The following KCTD8 variants were observed in gnomAD, a reference collection of about 807,000 sequenced individuals.
KCTD8 encodes the protein potassium channel tetramerization domain containing 8.
A neutral mutation model predicts 31.5 loss-of-function variants in KCTD8; 27 were observed. The observed-to-expected ratio is 0.86, with a 90% CI of 0.63 to 1.18. The LOEUF (loss-of-function observed/expected upper bound fraction) is 1.18, where lower values mean the gene tolerates loss of function less well. Among genes scored for constraint, KCTD8 ranks in the 50% most tolerant of loss-of-function variants. The pLI is 0.00. For synonymous variants in KCTD8, 290 were observed against 280.0 expected (o/e 1.04, Z -0.36); for missense variants, 658 against 647.7 (o/e 1.02, Z -0.17).
At chr4:44,386,906 G>T (rs572661578) in intron 1 of KCTD8, among the ~76,000 whole-genome samples, 18 of 151,554 alleles carry the variant, frequency 1.2e-4, no homozygotes, top group Non-Finnish European at 2.4e-4. Context: ...AGAAATAAAG[G>T]GCATTCAAAC....
intron 1 of KCTD8, among the ~76,000 whole-genome samples, chr4:44,207,374 G>T (rs959925754): frequency 2.6e-5 from 4 of 152,022 alleles, no homozygotes; most frequent in African/African-American, 9.7e-5. Context: ...ACTTCTTCCT[G>T]ATTTCCCTCC....
intron 1 of KCTD8, among the ~76,000 whole-genome samples, chr4:44,189,744 T>C (rs936498346): frequency 2.6e-5 from 4 of 152,156 alleles, no homozygotes; most frequent in Admixed American, 2.6e-4. Flanking sequence ...TAGTCTCATG[T>C]TTTTACTGCC....
rs564549608 is a variant in KCTD8 at position 44,217,117 on chromosome 4, A to C, written c.962-41867T>G. ...AATCAAGGGTCATCCTACTATGCAGAGTAAAGTGAGTAGTTCTCACCAGGG... is the reference window on the plus strand; with the variant it reads ...AATCAAGGGTCATCCTACTATGCAGCGTAAAGTGAGTAGTTCTCACCAGGG... On this transcript the variant is annotated intron_variant, in intron 1 of 1. Coordinates refer to ENST00000360029, the MANE Select transcript of KCTD8 (RefSeq NM_198353.3). 1.1e-4 allele frequency among the ~76,000 whole-genome samples: 16 copies of C among 152,336 alleles called. No homozygotes were observed. The South Asian group carries it at 3.3e-3, about 32-fold the overall frequency.
intron 1 of KCTD8, among the ~76,000 whole-genome samples, chr4:44,310,590 G>A (rs1292809482): frequency 6.6e-6 from 1 of 151,998 alleles, no homozygotes; most frequent in Non-Finnish European, 1.5e-5. Flanking sequence ...AAAAGTTTAT[G>A]CTCTGAAATG....
chr4:44,269,559 G>C (rs1353611360), intron 1 of KCTD8, among the ~76,000 whole-genome samples: 2 of 144,152 alleles, frequency 1.4e-5, no homozygotes, highest in South Asian at 2.2e-4. Context: ...TTAAACTAAA[G>C]AGCTTCTGCA....
intron 1 of KCTD8, among the ~76,000 whole-genome samples, chr4:44,234,614 T>C (rs1715221907): frequency 6.6e-6 from 1 of 152,098 alleles, no homozygotes; most frequent in African/African-American, 2.4e-5. Context: ...TCCATTGCAT[T>C]GTACCTCTTT....
At chr4:44,265,862 G>A (rs1283815690) in intron 1 of KCTD8, among the ~76,000 whole-genome samples, 8 of 152,118 alleles carry the variant, frequency 5.3e-5, no homozygotes, top group Non-Finnish European at 1.2e-4. Flanking sequence ...AAAAAGAAAT[G>A]AACAAAGCCT....
At chr4:44,349,131 C>G (rs1242285792) in intron 1 of KCTD8, among the ~76,000 whole-genome samples, 1 of 150,444 alleles carries the variant, frequency 6.6e-6, no homozygotes, top group Non-Finnish European at 1.5e-5. Context: ...TTACCAACAG[C>G]TCTAGCAACC....
intron 1 of KCTD8, among the ~76,000 whole-genome samples, chr4:44,329,278 T>G (rs1718532856): frequency 6.6e-6 from 1 of 151,750 alleles, no homozygotes; most frequent in African/African-American, 2.4e-5. Flanking sequence ...CTTGCATTTT[T>G]GGCAAAGATT....
chr4:44,400,683 C>A (rs1474780695), intron 1 of KCTD8, among the ~76,000 whole-genome samples: 2 of 141,878 alleles, frequency 1.4e-5, no homozygotes, highest in Non-Finnish European at 3.0e-5. Flanking sequence ...GAGCTGAAAT[C>A]GTGCCACTGG....
chr4:44,276,101 C>T (rs760461049), intron 1 of KCTD8, among the ~76,000 whole-genome samples: 1 of 151,796 alleles, frequency 6.6e-6, no homozygotes, highest in Non-Finnish European at 1.5e-5. Flanking sequence ...TGACCTGGTG[C>T]AGGCAAAAAG....
chr4:44,300,784 T>C (rs1717589531), intron 1 of KCTD8, among the ~76,000 whole-genome samples: 1 of 152,026 alleles, frequency 6.6e-6, no homozygotes, highest in South Asian at 2.1e-4. Flanking sequence ...GTTACATATG[T>C]ATATATGTGC....
At chr4:44,283,827 T>A (rs971280467) in intron 1 of KCTD8, among the ~76,000 whole-genome samples, 1 of 151,990 alleles carries the variant, frequency 6.6e-6, no homozygotes, top group Non-Finnish European at 1.5e-5. Context: ...TTCCTGTACA[T>A]CAATAACAGA....
chr4:44,326,749 C>T (rs1718451270), intron 1 of KCTD8, among the ~76,000 whole-genome samples: 1 of 151,672 alleles, frequency 6.6e-6, no homozygotes, highest in East Asian at 1.9e-4. Flanking sequence ...TGGTTATTTA[C>T]TATGTATATC....
At chr4:44,310,009 A>C (rs1288294395) in intron 1 of KCTD8, among the ~76,000 whole-genome samples, 1 of 152,122 alleles carries the variant, frequency 6.6e-6, no homozygotes, top group Non-Finnish European at 1.5e-5. Flanking sequence ...GAGATCCTTA[A>C]AAGAGAAAAA....
At chr4:44,318,271 A>G (rs1718197775) in intron 1 of KCTD8, among the ~76,000 whole-genome samples, 1 of 152,166 alleles carries the variant, frequency 6.6e-6, no homozygotes, top group Admixed American at 6.5e-5. Flanking sequence ...GTATCACTAC[A>G]TAACCCAGGC....
intron 1 of KCTD8, among the ~76,000 whole-genome samples, chr4:44,181,876 G>A (rs927984658): frequency 1.3e-5 from 2 of 151,628 alleles, no homozygotes; most frequent in East Asian, 3.9e-4. Context: ...CGTCTGGGAT[G>A]TGAGGAGCCC....
chr4:44,230,841 G>A (rs188094218), intron 1 of KCTD8, among the ~76,000 whole-genome samples: 211 of 152,050 alleles, frequency 1.4e-3, no homozygotes, highest in African/African-American at 4.9e-3. Context: ...AGGATTTAGC[G>A]ATCTTATGAG....
intron 1 of KCTD8, among the ~76,000 whole-genome samples, chr4:44,281,048 T>C (rs1309466012): frequency 6.6e-6 from 1 of 151,984 alleles, no homozygotes; most frequent in African/African-American, 2.4e-5. Context: ...TATCTGACTT[T>C]AAAAATGAGT....
Sources: allele counts gnomAD v4.1 joint callset (sites outside exome capture counted in the v4.1 genomes callset), GRCh38; gene constraint gnomAD v4.1.1; transcripts MANE v1.5; gene names NCBI Gene and HGNC (gene_info 2026-07-23, HGNC 2026-07-21).